GABRG3: variants seen among roughly 807,000 people sequenced by gnomAD.
GABRG3 encodes the protein gamma-aminobutyric acid receptor subunit gamma-3.
A neutral mutation model predicts 48.8 loss-of-function variants in GABRG3; 25 were observed. The observed-to-expected ratio is 0.51, with a 90% CI of 0.37 to 0.72. The LOEUF (loss-of-function observed/expected upper bound fraction) is 0.72. Ranked by LOEUF, GABRG3 falls within the 30% of genes least tolerant of loss-of-function variation. The pLI is 0.00. For synonymous variants in GABRG3, 227 were observed against 217.6 expected, an observed-to-expected ratio of 1.04 and a Z score of -0.38; for missense variants, 394 against 577.9, an observed-to-expected ratio of 0.68 and a Z score of 3.26.
chr15:27,406,912 T>A (rs1887651868), intron 5 of GABRG3, among the ~76,000 whole-genome samples: 1 of 151,962 alleles, frequency 6.6e-6, no homozygotes, highest in Non-Finnish European at 1.5e-5. Context: ...CTAAAGCAAA[T>A]TTTTTTTCTT....
intron 3 of GABRG3, among the ~76,000 whole-genome samples, chr15:27,072,963 T>G (rs557065934): frequency 6.6e-6 from 1 of 152,206 alleles, no homozygotes; most frequent in Non-Finnish European, 1.5e-5. Context: ...ATTTTCCAAA[T>G]GTAGGCCAAA....
intron 3 of GABRG3, among the ~76,000 whole-genome samples, chr15:27,305,539 TTA>T (rs1254414417): frequency 1.4e-5 from 2 of 145,148 alleles, no homozygotes; most frequent in Non-Finnish European, 3.0e-5. Context: ...AAACCTATGT[TTA>T]TATATAAACA....
chr15:27,058,512 A>C (rs901730660), intron 3 of GABRG3, among the ~76,000 whole-genome samples: 16 of 152,288 alleles, frequency 1.1e-4, no homozygotes, highest in African/African-American at 3.9e-4. Flanking sequence ...TTCTTGCTCA[A>C]CCAGGAGTTG....
At chr15:27,263,300 G>C (rs1352588984) in intron 3 of GABRG3, among the ~76,000 whole-genome samples, 1 of 152,122 alleles carries the variant, frequency 6.6e-6, no homozygotes, top group African/African-American at 2.4e-5. Flanking sequence ...CAACCCCTGT[G>C]GTCAGTCATC....
rs542647564 is a variant in GABRG3, at chr15:27,179,015, T to C, written c.271-147794T>C. Among the ~76,000 whole-genome samples the C allele has an allele frequency of 6.6e-6, 1 of 151,972 alleles. No homozygotes were observed. The highest frequency in any genetic ancestry group is 2.1e-4 in the South Asian group (1 of 4,824). Reference sequence around the variant, plus strand: ...AGGGATTCTTGTTTCTATGGCAGCCTCAGAGGAGAATGGGACTGAGAGGAG... The same window carrying C: ...AGGGATTCTTGTTTCTATGGCAGCCCCAGAGGAGAATGGGACTGAGAGGAG... On this transcript the variant is annotated intron_variant, in intron 3 of 9. Transcript: ENST00000615808. This position sits in a 1 kb window ranked among gnomAD's most constrained non-coding sequence, Gnocchi z 4.0.
intron 1 of GABRG3, among the ~76,000 whole-genome samples, chr15:26,972,046 G>C (rs935640169): frequency 6.6e-6 from 1 of 151,952 alleles, no homozygotes; most frequent in Non-Finnish European, 1.5e-5. Flanking sequence ...GACCGGGCTG[G>C]AAAGAGCTAA....
At chr15:27,486,579 G>A (rs1595786756) in intron 6 of GABRG3, among the ~76,000 whole-genome samples, 1 of 152,142 alleles carries the variant, frequency 6.6e-6, no homozygotes, top group East Asian at 1.9e-4. Context: ...ACAGGGGGCA[G>A]GAGCTCCAGC....
chr15:27,087,785 T>G, intron 3 of GABRG3, among the ~76,000 whole-genome samples: 1 of 143,372 alleles, frequency 7.0e-6, no homozygotes, highest in African/African-American at 2.6e-5. Flanking sequence ...TAGGCACATG[T>G]GTGTATGAAT....
At chr15:27,331,667 T>C (rs370795073) in intron 5 of GABRG3, among the ~76,000 whole-genome samples, 1 of 152,218 alleles carries the variant, frequency 6.6e-6, no homozygotes, top group African/African-American at 2.4e-5. Flanking sequence ...ACCCATAGAA[T>C]GTACAACACT....
Position 27,046,172 on chromosome 15 carries a change from C to A in GABRG3, c.270+19351C>A, listed in dbSNP as rs143949159. On this transcript the variant is annotated intron_variant, in intron 3 of 9. Coordinates refer to ENST00000615808, the MANE Select transcript of GABRG3 (RefSeq NM_033223.5). Reference sequence around the variant, plus strand: ...GCAATGGCACGATCTCAGCTCACCGCAACGTCCGTCTCCGGGGTTCAAGTG... The same window carrying A: ...GCAATGGCACGATCTCAGCTCACCGAAACGTCCGTCTCCGGGGTTCAAGTG... Among the ~76,000 whole-genome samples, 1,380 of 152,258 alleles carry A rather than the reference C, an allele frequency of 9.1e-3. 17 individuals are homozygous for A. Among genetic ancestry groups the A allele is most frequent in the African/African-American group, 0.031 (1,292 of 41,544 alleles).
chr15:27,505,862 A>G (rs1451239555), intron 6 of GABRG3, among the ~76,000 whole-genome samples: 2 of 152,218 alleles, frequency 1.3e-5, no homozygotes, highest in Non-Finnish European at 2.9e-5. Flanking sequence ...GATCCTTGGT[A>G]TAATTTGCTA....
chr15:27,115,597 C>G (rs1032451006), intron 3 of GABRG3, among the ~76,000 whole-genome samples: 1 of 152,196 alleles, frequency 6.6e-6, no homozygotes, highest in African/African-American at 2.4e-5. Flanking sequence ...CATGCCTTTA[C>G]TAGGTGCTAA....
At chr15:27,337,316 TA>T (rs1894008761) in intron 5 of GABRG3, among the ~76,000 whole-genome samples, 1 of 152,208 alleles carries the variant, frequency 6.6e-6, no homozygotes, top group Non-Finnish European at 1.5e-5. Context: ...AGTCTCATTA[TA>T]AAAAGCAAAA....
chr15:27,171,320 C>G lies in GABRG3; in HGVS notation c.270+144499C>G, dbSNP rs115298848. ...ATCCTTTCACTTTATTTCACCTTGT[C>G]TCTTAGTAGTAAATGAAAATTATGT... On this transcript the variant is annotated intron_variant, in intron 3 of 9. Transcript: ENST00000615808. Among the ~76,000 whole-genome samples the G allele has an allele frequency of 2.0e-5, 3 of 152,134 alleles. No homozygotes were observed. In the South Asian group the frequency reaches 6.2e-4, roughly 32 times the overall value.
chr15:26,999,365 C>T (rs1895402413), intron 2 of GABRG3, among the ~76,000 whole-genome samples: 1 of 152,066 alleles, frequency 6.6e-6, no homozygotes, highest in South Asian at 2.1e-4. Context: ...TATAGGGGTT[C>T]AGGAACCAAT....
intron 5 of GABRG3, among the ~76,000 whole-genome samples, chr15:27,462,889 A>C (rs558476414): frequency 2.6e-5 from 4 of 152,200 alleles, no homozygotes; most frequent in Non-Finnish European, 5.9e-5. Context: ...TCAGTGACCT[A>C]TTTCAATAAA....
chr15:27,059,628 T>C (rs1896611171), intron 3 of GABRG3, among the ~76,000 whole-genome samples: 1 of 152,228 alleles, frequency 6.6e-6, no homozygotes, highest in African/African-American at 2.4e-5. Context: ...GTTTTGCATT[T>C]CTATGTTAGA....
chr15:27,518,195 CAAAAAAAAA>C (rs58222645), intron 6 of GABRG3, among the ~76,000 whole-genome samples: 1 of 88,032 alleles, frequency 1.1e-5, no homozygotes, highest in South Asian at 4.2e-4. Context: ...ACTAAAAATA[CAAAAAAAAA>C]AAAAAAAAAA....
chr15:27,353,726 A>G (rs1280297089), intron 5 of GABRG3, among the ~76,000 whole-genome samples: 1 of 152,106 alleles, frequency 6.6e-6, no homozygotes, highest in Non-Finnish European at 1.5e-5. Flanking sequence ...TACAGGGGTG[A>G]GCCGTGGTGC....
Sources: gnomAD v4.1 joint callset for allele counts (sites outside exome capture counted in the v4.1 genomes callset) on GRCh38, gnomAD v4.1.1 for gene constraint, Gnocchi (gnomAD v3.1) non-coding constraint, MANE v1.5 for transcripts, NCBI Gene and HGNC (gene_info 2026-07-23, HGNC 2026-07-21) for gene names.